LMF1: variants seen among roughly 807,000 people sequenced by gnomAD.
The protein encoded by LMF1 is lipase maturation factor 1.
A neutral mutation model predicts 60.6 loss-of-function variants in LMF1; 68 were observed. That is an observed-to-expected ratio of 1.12 (90% confidence interval 0.92 to 1.37). The LOEUF (loss-of-function observed/expected upper bound fraction) is 1.37, where lower values mean the gene tolerates loss of function less well. Ranked by LOEUF, LMF1 falls within the 40% of genes most tolerant of loss-of-function variation. The probability of loss-of-function intolerance (pLI) is 0.00; values close to 1 mark genes in which losing one functional copy is unlikely to be tolerated. For missense variants in LMF1, 948 were observed against 767.2 expected, an observed-to-expected ratio of 1.24 and a Z score of -2.78; for synonymous variants, 418 against 324.7, an observed-to-expected ratio of 1.29 and a Z score of -3.09.
At chr16:903,190 C>T (rs1345506346) in intron 4 of LMF1, 1 of 10,138 alleles carries the variant, frequency 9.9e-5, no homozygotes, top group Non-Finnish European at 1.6e-4. Flanking sequence ...GACCTCTGCA[C>T]TGCCCACAGG....
At chr16:953,158 C>T (rs1259897798) in intron 2 of LMF1, among the ~76,000 whole-genome samples, 31 of 124,994 alleles carry the variant, frequency 2.5e-4, no homozygotes, top group Middle Eastern at 5.3e-3. Flanking sequence ...CCAAACCAGC[C>T]TCCTGCACGT....
In LMF1 at chr16:954,463, C is replaced by G. The variant is rs748153798; in HGVS notation, c.397G>C (p.Gly133Arg). The G allele has an allele frequency of 1.9e-6, 3 of 1,612,666 alleles. No individual in the cohort carries two copies. Among genetic ancestry groups the G allele is most frequent in the Non-Finnish European group, 2.5e-6 (3 of 1,179,484 alleles). Reference protein sequence around the residue: ...NSNLDLLALLGLGISSFVLIT... With the variant: ...NSNLDLLALLRLGISSFVLIT... ...AGTACGAAAGACGAGATGCCCAGTC[C>G]GAGAAGAGCCAGCAAGTCCAGGTTG... is the stretch of plus-strand genomic sequence containing the variant. Residue 133 changes from glycine to arginine, a missense_variant, in exon 2 of 11, where the codon GGA becomes CGA. Gly to Arg is a moderately radical substitution (Grantham distance 125). Coordinates refer to ENST00000262301, the MANE Select transcript of LMF1 (RefSeq NM_022773.4).
intron 4 of LMF1, chr16:902,421 C>T (rs979063647): frequency 3.9e-5 from 6 of 153,262 alleles, no homozygotes; most frequent in African/African-American, 1.2e-4. Context: ...CTGGAGCCCA[C>T]GAGAGGATGC....
chr16:869,906 G>A lies in LMF1; in HGVS notation c.1393C>T (p.Leu465=), dbSNP rs1384519903. Residue 465 remains leucine, a synonymous_variant, in exon 9 of 11, where the codon CTG becomes TTG. Coordinates refer to ENST00000262301, the MANE Select transcript of LMF1 (RefSeq NM_022773.4). Reference sequence around the variant, plus strand: ...ACCTGGAAGGCCGCGAACCACATCAGCCAGTCCAGGCGGTAGTGGTACGGG... The same window carrying A: ...ACCTGGAAGGCCGCGAACCACATCAACCAGTCCAGGCGGTAGTGGTACGGG... The part of the protein sequence containing the change: ...ISPYHYRLDW[L]MWFAAFQTYE... The A allele has an allele frequency of 6.2e-7, 1 of 1,612,946 alleles. No individual in the cohort carries two copies. Among genetic ancestry groups the A allele is most frequent in the Non-Finnish European group, 8.5e-7 (1 of 1,179,820 alleles).
chr16:934,940 G>T lies in LMF1; in HGVS notation c.504-686C>A, dbSNP rs574273112. Among the ~76,000 whole-genome samples the T allele has an allele frequency of 5.3e-5, 8 of 152,248 alleles. No homozygotes were observed. In the South Asian group the frequency reaches 6.2e-4, roughly 12 times the overall value. On this transcript the variant is annotated intron_variant, in intron 2 of 10. Transcript: ENST00000262301. ...TGCCACCTATGGTCCCGCAAGAGGC[G>T]GGCAGGATGCACCAATGCCCGCATG... is the stretch of plus-strand genomic sequence containing the variant.
intron 6 of LMF1, chr16:872,848 A>T (rs114231254): frequency 3.3e-5 from 5 of 152,296 alleles, no homozygotes; most frequent in Non-Finnish European, 5.9e-5. Flanking sequence ...AGCCTGAGCC[A>T]GTGCCCGTTC....
At chr16:926,708 C>CA (rs1185562786) in intron 3 of LMF1, among the ~76,000 whole-genome samples, 1 of 152,254 alleles carries the variant, frequency 6.6e-6, no homozygotes, top group Non-Finnish European at 1.5e-5. Context: ...CCACGGCCCA[C>CA]ACCCTAAGGG....
intron 3 of LMF1, among the ~76,000 whole-genome samples, chr16:912,869 C>T (rs1027239026): frequency 6.6e-5 from 10 of 152,226 alleles, no homozygotes; most frequent in Admixed American, 2.6e-4. Context: ...TGGCGGACAA[C>T]GCGTCCCCAG....
At chr16:863,998 T>C (rs2069542065) in intron 10 of LMF1, among the ~76,000 whole-genome samples, 1 of 152,262 alleles carries the variant, frequency 6.6e-6, no homozygotes, top group Admixed American at 6.5e-5. Context: ...CTTTATGTTC[T>C]TGCTGAATTT....
intron 5 of LMF1, among the ~76,000 whole-genome samples, chr16:884,394 G>A (rs1361473538): frequency 1.3e-5 from 2 of 152,216 alleles, no homozygotes; most frequent in African/African-American, 4.8e-5. Context: ...CAAATGAGAC[G>A]AGAGTAGAGT....
At chr16:879,778 CG>C in intron 5 of LMF1, 41 bp from the exon 6 acceptor site, 12 of 1,539,226 alleles carry the variant, frequency 7.8e-6, no homozygotes, top group Non-Finnish European at 9.7e-6. Context: ...TGGCCGATCT[CG>C]GGGGGCGGGG....
At chr16:947,283 C>A (rs1286585588) in intron 2 of LMF1, 3 of 358,454 alleles carry the variant, frequency 8.4e-6, no homozygotes, top group Non-Finnish European at 1.7e-5. Flanking sequence ...CCTTCCCATG[C>A]ATTAACACAG....
chr16:871,124 CTGCCCTTGGG>C (rs1160684758), intron 7 of LMF1, 27 bp downstream of exon 7: 1 of 1,519,328 alleles, frequency 6.6e-7, no homozygotes. Flanking sequence ...CGACTTTCTC[CTGCCCTTGGG>C]CAGGGGCCCC....
intron 10 of LMF1, among the ~76,000 whole-genome samples, chr16:864,662 C>CT (rs386364714): frequency 0.11 from 15,033 of 141,914 alleles, 1,273 homozygotes; most frequent in African/African-American, 0.24. Context: ...AAGTTACTAT[C>CT]TTTTTTTTTT....
chr16:877,128 C>G (rs569427335), intron 6 of LMF1, among the ~76,000 whole-genome samples: 2 of 152,250 alleles, frequency 1.3e-5, no homozygotes, highest in African/African-American at 4.8e-5. Context: ...CCCTGGAGTT[C>G]AAAACCAGAC....
rs189111438 is a variant in LMF1 at position 889,364 on chromosome 16, C to T, written c.729+3643G>A. 2.0e-5 allele frequency among the ~76,000 whole-genome samples: 3 copies of T among 147,442 alleles called. No homozygotes were observed. In the East Asian group the frequency reaches 5.8e-4, roughly 29 times the overall value. ...GTGTGGGGTGTGAGGCTGCGGATGG[C>T]CATGGGTGTGAGGCTGCGGATGGCC... On this transcript the variant is annotated intron_variant, in intron 5 of 10. Coordinates refer to ENST00000262301, the MANE Select transcript of LMF1 (RefSeq NM_022773.4).
At chr16:866,161 A>G (rs1360061991) in intron 10 of LMF1, among the ~76,000 whole-genome samples, 1 of 152,200 alleles carries the variant, frequency 6.6e-6, no homozygotes, top group Admixed American at 6.5e-5. Context: ...TGCTGTGACA[A>G]GTAATTTTTC....
intron 5 of LMF1, among the ~76,000 whole-genome samples, chr16:881,693 T>C (rs1358492267): frequency 6.6e-6 from 1 of 152,206 alleles, no homozygotes; most frequent in Non-Finnish European, 1.5e-5. Flanking sequence ...GAATGCCTGG[T>C]CTGCCACTTC....
chr16:875,670 G>T (rs1468574075), intron 6 of LMF1, among the ~76,000 whole-genome samples: 1 of 152,156 alleles, frequency 6.6e-6, no homozygotes, highest in Non-Finnish European at 1.5e-5. Flanking sequence ...ACTCCCCACT[G>T]CCAGGCAGCC....
Sources: allele counts gnomAD v4.1 joint callset (sites outside exome capture counted in the v4.1 genomes callset), GRCh38; gene constraint gnomAD v4.1.1; transcripts MANE v1.5; gene names NCBI Gene and HGNC (gene_info 2026-07-23, HGNC 2026-07-21).